The following CYFIP2 variants were observed in gnomAD, a reference collection of about 807,000 sequenced individuals.
CYFIP2 encodes the protein cytoplasmic FMR1 interacting protein 2, also known as cytoplasmic FMR1-interacting protein 2.
CYFIP2 carries 29 observed loss-of-function variants against 158.7 expected under a neutral mutation model. The ratio of observed to expected loss-of-function variants is 0.18; its 90% confidence interval spans 0.14 to 0.25. The LOEUF (loss-of-function observed/expected upper bound fraction) is 0.25. Ranked by LOEUF, CYFIP2 falls within the 10% of genes least tolerant of loss-of-function variation. CYFIP2 has a pLI of 1.00. For missense variants in CYFIP2, 852 were observed against 1,639.5 expected (o/e 0.52, Z 8.29); for synonymous variants, 585 against 617.6 (o/e 0.95, Z 0.78).
intron 1 of CYFIP2, among the ~76,000 whole-genome samples, chr5:157,278,694 GT>G (rs376635682): frequency 1.7e-4 from 26 of 151,802 alleles, no homozygotes; most frequent in African/African-American, 6.3e-4. Context: ...CCTTTTTTTG[GT>G]AGGAGAATTG....
intron 28 of CYFIP2, among the ~76,000 whole-genome samples, chr5:157,383,980 A>G (rs1489029693): frequency 6.6e-6 from 1 of 152,248 alleles, no homozygotes; most frequent in Non-Finnish European, 1.5e-5. Context: ...TTAAATGCAC[A>G]CAACAAAACC....
At chr5:157,372,526 C>T (rs990839819) in intron 26 of CYFIP2, among the ~76,000 whole-genome samples, 1 of 152,094 alleles carries the variant, frequency 6.6e-6, no homozygotes, top group Non-Finnish European at 1.5e-5. Flanking sequence ...GGGGTTAAAC[C>T]AGACAAGGTT....
intron 15 of CYFIP2, 49 bp from the exon 16 acceptor site, chr5:157,323,872 G>T: frequency 6.9e-7 from 1 of 1,456,238 alleles, no homozygotes; most frequent in East Asian, 2.5e-5. Context: ...CTTTTTCCCC[G>T]GGGTAGAGGG....
At chr5:157,387,948 T>TC (rs1766864770) in intron 28 of CYFIP2, among the ~76,000 whole-genome samples, 1 of 152,178 alleles carries the variant, frequency 6.6e-6, no homozygotes, top group Non-Finnish European at 1.5e-5. Flanking sequence ...CTGATTTCCT[T>TC]CCCTTCATGG....
chr5:157,360,474 C>CATGTT, intron 25 of CYFIP2, 102 bp downstream of exon 25: 3 of 930,730 alleles, frequency 3.2e-6, no homozygotes, highest in Non-Finnish European at 3.3e-6. Context: ...AGTGAGCTGG[C>CATGTT]AGAGTACTGG....
chr5:157,384,403 G>A (rs1423544438), intron 28 of CYFIP2: 1 of 456,680 alleles, frequency 2.2e-6, no homozygotes, highest in East Asian at 6.9e-5. Flanking sequence ...GACTGTTTAA[G>A]AGATTTAGGA....
intron 4 of CYFIP2, among the ~76,000 whole-genome samples, chr5:157,296,198 C>G (rs981748290): frequency 1.3e-5 from 2 of 152,212 alleles, no homozygotes; most frequent in African/African-American, 2.4e-5. Context: ...TGCCCCCTGC[C>G]AGATTGGTGA....
At chr5:157,387,544 CTT>C (rs971077322) in intron 28 of CYFIP2, among the ~76,000 whole-genome samples, 3 of 152,288 alleles carry the variant, frequency 2.0e-5, no homozygotes, top group African/African-American at 7.2e-5. Flanking sequence ...AAATTGGGGT[CTT>C]TTATTTACTG....
intron 18 of CYFIP2, among the ~76,000 whole-genome samples, chr5:157,326,803 T>A (rs924006713): frequency 3.9e-5 from 6 of 152,172 alleles, no homozygotes; most frequent in Non-Finnish European, 8.8e-5. Context: ...AAGCTCAAAG[T>A]GCAGGTCAGA....
At chr5:157,349,408 A>G (rs1287220195) in intron 23 of CYFIP2, among the ~76,000 whole-genome samples, 1 of 152,176 alleles carries the variant, frequency 6.6e-6, no homozygotes, top group Non-Finnish European at 1.5e-5. Context: ...ACTTAGAATA[A>G]TGGTCTCCAA....
intron 23 of CYFIP2, chr5:157,343,477 C>A: frequency 6.2e-7 from 1 of 1,605,832 alleles, no homozygotes; most frequent in Non-Finnish European, 8.5e-7. Flanking sequence ...GGCAGGGCTC[C>A]GAGGACGACC....
chr5:157,311,312 G>A lies in CYFIP2; in HGVS notation c.993-352G>A. The A allele has an allele frequency of 5.3e-6, 2 of 377,568 alleles. No homozygotes were observed. Among genetic ancestry groups the A allele is most frequent in the East Asian group, 6.8e-5 (1 of 14,792 alleles). The allele number at this position is 377,568 out of a possible 1,614,324, so 23.4% of individuals were successfully genotyped here. On this transcript the variant is annotated intron_variant, in intron 10 of 30. Coordinates refer to ENST00000620254, the MANE Select transcript of CYFIP2 (RefSeq NM_001037333.3). The surrounding 1 kb of genome is among the most constrained non-coding windows in gnomAD (Gnocchi z 4.7). The stretch of plus-strand genomic sequence containing the variant: ...AGTGGGTAGGCTGGTTTTGGAGGTT[G>A]CCCACCTTGCTTTTTCTGTGCTCAG...
intron 15 of CYFIP2, 51 bp downstream of exon 15, chr5:157,320,853 G>A (rs2113108136): frequency 6.8e-7 from 1 of 1,475,954 alleles, no homozygotes; most frequent in Non-Finnish European, 9.0e-7. Flanking sequence ...GGCCAGCCGG[G>A]CTATGGTAGA....
In CYFIP2 at chr5:157,393,241, G is replaced by A; in HGVS notation, c.*241G>A. On this transcript the variant is annotated 3_prime_UTR_variant, in exon 31 of 31. Transcript: ENST00000620254. ...AAAAAAAAAGTAAACAGGGCAGTGT[G>A]TGCTTTTTCTTTTCTCCCCCCTCAA... 2.5e-6 allele frequency: 1 copy of A among 397,394 alleles called. No individual in the cohort carries two copies. The highest frequency in any genetic ancestry group is 4.5e-6 in the Non-Finnish European group (1 of 224,700). The allele number at this position is 397,394 out of a possible 1,614,324, so 24.6% of individuals were successfully genotyped here. A position where few individuals can be genotyped will look rare whatever the true frequency, so the allele number is the denominator to read the frequency against.
chr5:157,361,992 G>A lies in CYFIP2; in HGVS notation c.3039+394G>A, dbSNP rs1763871883. The stretch of plus-strand genomic sequence containing the variant: ...TTGCAAACAAGGGTTTTTAAAGGCA[G>A]GGGTAAATTTCAGGAAAGCAGAAGT... On this transcript the variant is annotated intron_variant, in intron 26 of 30. Transcript: ENST00000620254. This position sits in a 1 kb window ranked among gnomAD's most constrained non-coding sequence, Gnocchi z 4.4. Among the ~76,000 whole-genome samples, 3 of 152,312 alleles carry A rather than the reference G, an allele frequency of 2.0e-5. No homozygotes were observed. In the South Asian group the frequency reaches 6.2e-4, roughly 32 times the overall value.
At chr5:157,301,649 G>T (rs981678559) in intron 6 of CYFIP2, among the ~76,000 whole-genome samples, 2 of 152,166 alleles carry the variant, frequency 1.3e-5, no homozygotes, top group African/African-American at 4.8e-5. Flanking sequence ...AAGAAGGTTA[G>T]CCAGGAGAGG....
intron 26 of CYFIP2, among the ~76,000 whole-genome samples, chr5:157,366,554 A>G (rs1306930712): frequency 6.6e-6 from 1 of 152,226 alleles, no homozygotes; most frequent in Admixed American, 6.5e-5. Flanking sequence ...AATGGGAAGT[A>G]TAAATCTTTT....
intron 23 of CYFIP2, chr5:157,345,235 C>T (rs1762592073): frequency 6.6e-6 from 1 of 152,238 alleles, no homozygotes; most frequent in South Asian, 2.1e-4. Context: ...TAAAACCTTT[C>T]CATCAGGAGT....
chr5:157,271,015 A>C (rs2113803437), intron 1 of CYFIP2, among the ~76,000 whole-genome samples: 1 of 152,340 alleles, frequency 6.6e-6, no homozygotes. Context: ...CGTGCAGTTA[A>C]AAACTGTGGA....
Sources: allele counts gnomAD v4.1 joint callset (sites outside exome capture counted in the v4.1 genomes callset), GRCh38; gene constraint gnomAD v4.1.1; non-coding constraint Gnocchi (gnomAD v3.1); transcripts MANE v1.5; gene names NCBI Gene and HGNC (gene_info 2026-07-23, HGNC 2026-07-21).